The following RASGEF1A variants were observed in gnomAD, a reference collection of about 807,000 sequenced individuals.
RASGEF1A encodes RasGEF domain family member 1A, also known as ras-GEF domain-containing family member 1A.
Under a neutral mutation model 56.4 loss-of-function variants are expected in RASGEF1A, and 18 were observed. The ratio of observed to expected loss-of-function variants is 0.32; its 90% CI spans 0.22 to 0.47. The LOEUF (loss-of-function observed/expected upper bound fraction) is 0.47. RASGEF1A is among the 20% of genes least tolerant of loss of function. The pLI, the probability that RASGEF1A is intolerant of heterozygous loss-of-function variation, is 1.00. For synonymous variants in RASGEF1A, 245 were observed against 242.6 expected, an observed-to-expected ratio of 1.01 and a Z score of -0.09; for missense variants, 422 against 627.1, an observed-to-expected ratio of 0.67 and a Z score of 3.49.
chr10:43,239,696 C>G (rs1840479150), intron 1 of RASGEF1A, among the ~76,000 whole-genome samples: 1 of 152,186 alleles, frequency 6.6e-6, no homozygotes, highest in African/African-American at 2.4e-5. Context: ...CAATGGAACT[C>G]TTTCAAAGCT....
At chr10:43,213,485 C>A (rs1205511300) in intron 1 of RASGEF1A, among the ~76,000 whole-genome samples, 3 of 152,012 alleles carry the variant, frequency 2.0e-5, no homozygotes, top group Non-Finnish European at 2.9e-5. Context: ...AACTTTCCAG[C>A]CTTTTAAGAA....
intron 1 of RASGEF1A, among the ~76,000 whole-genome samples, chr10:43,255,707 C>T (rs575402093): frequency 1.3e-5 from 2 of 152,364 alleles, no homozygotes; most frequent in African/African-American, 4.8e-5. Flanking sequence ...AAAACCAAAA[C>T]CCAGACTCCC....
intron 1 of RASGEF1A, among the ~76,000 whole-genome samples, chr10:43,260,314 C>T (rs867808300): frequency 6.9e-6 from 1 of 145,768 alleles, no homozygotes; most frequent in East Asian, 2.0e-4. Flanking sequence ...CCTTCCTCTC[C>T]ACTCTGCAAC....
chr10:43,250,715 C>T lies in RASGEF1A; in HGVS notation c.-7+16130G>A, dbSNP rs183522739. On this transcript the variant is annotated intron_variant, in intron 1 of 12. Coordinates refer to ENST00000395810, the MANE Select transcript of RASGEF1A (RefSeq NM_145313.4). ...AGAGGCTCCTTGCTTACATCTGCCC[C>T]TCACCTAGCCCCAAGGTCAGGTCAA... is the stretch of plus-strand genomic sequence containing the variant. Among the ~76,000 whole-genome samples the T allele has an allele frequency of 2.0e-5, 3 of 152,328 alleles. No homozygotes were observed. In the East Asian group the frequency reaches 5.8e-4, roughly 29 times the overall value.
At chr10:43,203,799 T>C in intron 2 of RASGEF1A, 1 of 1,023,736 alleles carries the variant, frequency 9.8e-7, no homozygotes, top group Non-Finnish European at 1.2e-6. Flanking sequence ...CAGATCCTCG[T>C]GGGCCGAGCT....
At position 43,198,134 on chromosome 10, in the gene RASGEF1A, T is replaced by C. The variant is rs755825518; in HGVS notation, c.1094A>G (p.Gln365Arg). 4.3e-6 allele frequency: 7 copies of C among 1,614,162 alleles called. No homozygotes were observed. The South Asian group carries it at 4.4e-5, about 10-fold the overall frequency. ...GCTGCTGTTGGCCATCTGGGACCTC[T>C]GCGTGGCCCCCTGCAGGGCTGTACG... ...NYRTALQGAT[Q>R]RSQMANSSRE... Residue 365 changes from glutamine to arginine, a missense_variant, in exon 10 of 13, where the codon CAG (glutamine) becomes CGG (arginine). Gln to Arg is a conservative substitution (Grantham distance 43, BLOSUM62 1). Coordinates refer to ENST00000395810, the MANE Select transcript of RASGEF1A (RefSeq NM_145313.4).
rs1371740038 is a variant in RASGEF1A at position 43,197,049 on chromosome 10, C to T, written c.1275G>A (p.Gln425=). ...TGTCCTTCTCGAAAGGACACTCTAC[C>T]TGTGTCCATGTCATGAACTCATGGA... ...RQIHEFMTWT[Q]VECPFEKDKK... is the part of the protein sequence containing the mutation. The change falls in exon 11 of 13, where the codon CAG becomes CAA. Residue 425 remains glutamine, a synonymous_variant. Transcript: ENST00000395810. 1.2e-6 allele frequency: 2 copies of T among 1,613,712 alleles called. No homozygotes were observed. The highest frequency in any genetic ancestry group is 1.1e-5 in the South Asian group (1 of 91,076).
Position 43,242,956 on chromosome 10 carries a change from G to A in RASGEF1A, c.-7+23889C>T, listed in dbSNP as rs543335572. Among the ~76,000 whole-genome samples, 1,297 of 152,172 alleles carry A rather than the reference G, an allele frequency of 8.5e-3. 22 individuals are homozygous for A. The highest frequency in any genetic ancestry group is 0.029 in the African/African-American group (1,196 of 41,520). ...ACAGCCTCTGCCCGCCCGCCACCCCGTCTAGGAAGTGAGCAGCGTCTCTGC... is the reference window on the plus strand; with the variant it reads ...ACAGCCTCTGCCCGCCCGCCACCCCATCTAGGAAGTGAGCAGCGTCTCTGC... On this transcript the variant is annotated intron_variant, in intron 1 of 12. Transcript: ENST00000395810.
rs764502177 is a variant in RASGEF1A at position 43,206,111 on chromosome 10, G to A, written c.6C>T (p.Pro2=). ...TGCTGGAGAAGACAACGGACGTCTG[G>A]GGCATAGTTTCCTGGGAGAAAAGAG... M[P]QTSVVFSSIL... The change falls in exon 2 of 13, where the codon CCC becomes CCT. Residue 2 remains proline, a synonymous_variant. Coordinates refer to ENST00000395810, the MANE Select transcript of RASGEF1A (RefSeq NM_145313.4). 20 of 1,580,144 alleles carry A rather than the reference G, an allele frequency of 1.3e-5. 1 individual carries two copies. The South Asian group carries it at 2.2e-4, about 17-fold the overall frequency.
intron 3 of RASGEF1A, 94 bp from the exon 4 acceptor site, chr10:43,202,039 C>G (rs1176373220): frequency 5.1e-6 from 7 of 1,372,062 alleles, no homozygotes; most frequent in Middle Eastern, 3.9e-4. Flanking sequence ...CCAAGCCACA[C>G]CCCAGGCCCT....
chr10:43,257,391 G>A (rs866425597), intron 1 of RASGEF1A, among the ~76,000 whole-genome samples: 9 of 152,232 alleles, frequency 5.9e-5, no homozygotes, highest in Non-Finnish European at 1.0e-4. Context: ...CTTGCCCAGC[G>A]AGTCCCACCC....
At chr10:43,236,589 CCCT>C (rs1454202444) in intron 1 of RASGEF1A, among the ~76,000 whole-genome samples, 2 of 152,254 alleles carry the variant, frequency 1.3e-5, no homozygotes, top group African/African-American at 4.8e-5. Flanking sequence ...CTCGCGCCCT[CCCT>C]CCTCCTCTTC....
chr10:43,250,636 AG>A (rs1840617432), intron 1 of RASGEF1A, among the ~76,000 whole-genome samples: 2 of 145,926 alleles, frequency 1.4e-5, no homozygotes, highest in Admixed American at 1.4e-4. Flanking sequence ...GGTGTGCCGA[AG>A]GGGAAGGGGG....
intron 1 of RASGEF1A, among the ~76,000 whole-genome samples, chr10:43,218,774 C>G (rs751229006): frequency 6.6e-6 from 1 of 152,284 alleles, no homozygotes; most frequent in Non-Finnish European, 1.5e-5. Flanking sequence ...GGAACCAGCA[C>G]GACAGCGCCT....
intron 1 of RASGEF1A, among the ~76,000 whole-genome samples, chr10:43,256,305 C>A (rs1840689159): frequency 6.6e-6 from 1 of 152,218 alleles, no homozygotes; most frequent in Non-Finnish European, 1.5e-5. Flanking sequence ...TGCATCCAGG[C>A]AGCCAGTGCG....
At chr10:43,228,163 G>A (rs187932240) in intron 1 of RASGEF1A, among the ~76,000 whole-genome samples, 28 of 152,256 alleles carry the variant, frequency 1.8e-4, no homozygotes, top group African/African-American at 6.5e-4. Flanking sequence ...TGCTCCTGAT[G>A]CCCCAGTCTC....
Position 43,203,232 on chromosome 10 carries a change from C to T in RASGEF1A, c.321+66G>A, listed in dbSNP as rs1839936920. ...CGTGAACCCCGCCCCATGCCTCCAG[C>T]CCCTAGCCTTGACCTCGCCTCCTGC... On this transcript the variant is annotated intron_variant, in intron 3 of 12. Coordinates refer to ENST00000395810, the MANE Select transcript of RASGEF1A (RefSeq NM_145313.4). The T allele has an allele frequency of 1.0e-5, 15 of 1,491,268 alleles. No individual in the cohort carries two copies. In the East Asian group the frequency reaches 3.5e-4, roughly 35 times the overall value. The allele number at this position is 1,491,268 out of a possible 1,614,324, so 92.4% of individuals were successfully genotyped here. A position where few individuals can be genotyped will look rare whatever the true frequency, so the allele number is the denominator to read the frequency against.
intron 1 of RASGEF1A, among the ~76,000 whole-genome samples, chr10:43,228,038 G>A (rs1840305070): frequency 6.6e-6 from 1 of 152,078 alleles, no homozygotes; most frequent in Non-Finnish European, 1.5e-5. Context: ...TGCCATGGCA[G>A]CCCCACGGGG....
chr10:43,225,188 CTGTGTCTGTGTGTGTGCATGTGCCTGCA>C (rs1377332549), intron 1 of RASGEF1A, among the ~76,000 whole-genome samples: 5 of 103,888 alleles, frequency 4.8e-5, no homozygotes, highest in Non-Finnish European at 8.9e-5. Flanking sequence ...GTGTGTGTCT[CTGTGTCTGTGTGTGTGCATGTGCCTGCA>C]TGTGTCTGTG....
Sources: gnomAD v4.1 joint callset for allele counts (sites outside exome capture counted in the v4.1 genomes callset) on GRCh38, gnomAD v4.1.1 for gene constraint, MANE v1.5 for transcripts, NCBI Gene and HGNC (gene_info 2026-07-23, HGNC 2026-07-21) for gene names.